PIAS1: variants seen among roughly 807,000 people sequenced by gnomAD.
PIAS1 encodes the protein E3 SUMO-protein ligase PIAS1.
A neutral mutation model predicts 71.3 loss-of-function variants in PIAS1; 6 were observed. The observed-to-expected ratio is 0.08, with a 90% CI of 0.05 to 0.17. PIAS1 has a LOEUF of 0.17. Among genes scored for constraint, PIAS1 ranks in the 10% least tolerant of loss-of-function variants. The pLI is 1.00. For missense variants in PIAS1, 555 were observed against 793.6 expected, an observed-to-expected ratio of 0.70 and a Z score of 3.61; for synonymous variants, 303 against 292.9, an observed-to-expected ratio of 1.03 and a Z score of -0.35.
chr15:68,057,853 T>G lies in PIAS1; in HGVS notation c.24+3503T>G, dbSNP rs143081609. Among the ~76,000 whole-genome samples the G allele has an allele frequency of 3.9e-3, 601 of 152,356 alleles. 1 individual carries two copies. The highest frequency in any genetic ancestry group is 6.2e-3 in the Non-Finnish European group (419 of 68,028). ...ATACTACGTATAGTTTCTAAGTATTTCATATGATTGTTTTGAAATACCTCC... is the reference window on the plus strand; with the variant it reads ...ATACTACGTATAGTTTCTAAGTATTGCATATGATTGTTTTGAAATACCTCC... On this transcript the variant is annotated intron_variant, in intron 1 of 13. Transcript: ENST00000249636.
At chr15:68,102,468 C>T (rs2092435494) in intron 2 of PIAS1, among the ~76,000 whole-genome samples, 1 of 152,156 alleles carries the variant, frequency 6.6e-6, no homozygotes, top group Middle Eastern at 3.2e-3. Flanking sequence ...ATTATCTTCT[C>T]GCTCTACAAA....
chr15:68,067,924 CAGT>C (rs2092046871), intron 1 of PIAS1, among the ~76,000 whole-genome samples: 1 of 152,138 alleles, frequency 6.6e-6, no homozygotes, highest in Admixed American at 6.5e-5. Context: ...AGGAGTGAAA[CAGT>C]AGTTTTGTAT....
intron 1 of PIAS1, chr15:68,055,027 TAGTG>T (rs927709015): frequency 6.2e-6 from 1 of 162,298 alleles, no homozygotes; most frequent in African/African-American, 2.4e-5. Flanking sequence ...GGCTGAGAGG[TAGTG>T]AGCGGGACGT....
At chr15:68,119,363 T>C (rs2092594958) in intron 2 of PIAS1, among the ~76,000 whole-genome samples, 1 of 151,188 alleles carries the variant, frequency 6.6e-6, no homozygotes, top group Non-Finnish European at 1.5e-5. Context: ...GAGAATTGCT[T>C]GAACCCGGGA....
chr15:68,102,906 C>T (rs1209672582), intron 2 of PIAS1, among the ~76,000 whole-genome samples: 1 of 151,888 alleles, frequency 6.6e-6, no homozygotes, highest in African/African-American at 2.4e-5. Context: ...ATAGTGGTGA[C>T]AGTGAACATC....
chr15:68,121,331 A>G (rs1194040856), intron 2 of PIAS1, among the ~76,000 whole-genome samples: 3 of 142,008 alleles, frequency 2.1e-5, no homozygotes, highest in African/African-American at 5.3e-5. Context: ...TGCTTGCATT[A>G]TTTTTGACAA....
At chr15:68,102,368 T>G (rs1489890619) in intron 2 of PIAS1, among the ~76,000 whole-genome samples, 1 of 152,244 alleles carries the variant, frequency 6.6e-6, no homozygotes, top group Non-Finnish European at 1.5e-5. Flanking sequence ...TGTCAGACTA[T>G]GTAATAAGTC....
rs772361559 is a variant in PIAS1, at chr15:68,153,599, A to C, written c.838A>C (p.Met280Leu). The C allele has an allele frequency of 1.6e-5, 24 of 1,510,676 alleles. No homozygotes were observed. The African/African-American group carries it at 2.8e-4, about 17-fold the overall frequency. The allele number at this position is 1,510,676 out of a possible 1,614,324, so 93.6% of individuals were successfully genotyped here. Residue 280 changes from methionine to leucine, a missense_variant, in exon 7 of 14, where the codon ATG becomes CTG. Transcript: ENST00000249636. ...TTCTTTTTTTTTCCAGAACTATTCC[A>C]TGGCAGTATATCTTGTAAAACAGTT... The part of the protein sequence containing the change: ...WTAEIGRNYS[M>L]AVYLVKQLSS...
At chr15:68,143,012 C>G (rs1228842204) in intron 4 of PIAS1, among the ~76,000 whole-genome samples, 1 of 151,986 alleles carries the variant, frequency 6.6e-6, no homozygotes, top group Admixed American at 6.6e-5. Context: ...ATTCATTTGT[C>G]TTAGAATATC....
chr15:68,141,211 A>T (rs2092767438), intron 2 of PIAS1, among the ~76,000 whole-genome samples: 1 of 152,076 alleles, frequency 6.6e-6, no homozygotes, highest in Admixed American at 6.6e-5. Flanking sequence ...AAAAAAGCAA[A>T]CAAAAAGCCT....
At position 68,119,237 on chromosome 15, in the gene PIAS1, C is replaced by CAAAAAAAAAAAAAAA; in HGVS notation, c.470-22696_470-22682dup. Among the ~76,000 whole-genome samples the CAAAAAAAAAAAAAAA allele has an allele frequency of 3.6e-4, 10 of 27,408 alleles. 3 individuals carry two copies. Among genetic ancestry groups the CAAAAAAAAAAAAAAA allele is most frequent in the Admixed American group, 3.1e-3 (4 of 1,272 alleles). 18.0% of individuals were successfully genotyped at this position (27,408 alleles called of 152,430 possible). ...CAACATGGTGAAACCCCATCTCTAC[C>CAAAAAAAAAAAAAAA]AAAAAAAAAAAAAAAAAAAAAAAAA... On this transcript the variant is annotated intron_variant, in intron 2 of 13. Coordinates refer to ENST00000249636, the MANE Select transcript of PIAS1 (RefSeq NM_016166.3).
chr15:68,109,288 C>G (rs549454138), intron 2 of PIAS1, among the ~76,000 whole-genome samples: 1 of 152,272 alleles, frequency 6.6e-6, no homozygotes, highest in South Asian at 2.1e-4. Context: ...TTTCCAATTC[C>G]CATTACACTG....
intron 1 of PIAS1, among the ~76,000 whole-genome samples, chr15:68,058,251 A>G (rs986829734): frequency 1.3e-5 from 2 of 152,242 alleles, no homozygotes; most frequent in Non-Finnish European, 2.9e-5. Flanking sequence ...TGTTTTCTGA[A>G]GTGTTTGACT....
intron 8 of PIAS1, among the ~76,000 whole-genome samples, chr15:68,166,938 G>C (rs887793894): frequency 1.3e-5 from 2 of 152,168 alleles, no homozygotes; most frequent in Admixed American, 6.5e-5. Context: ...CAGTGCTCCT[G>C]CTTCAACCCC....
chr15:68,164,681 C>G lies in PIAS1; in HGVS notation c.935-50C>G. 5 of 1,022,126 alleles carry G rather than the reference C, an allele frequency of 4.9e-6. No homozygotes were observed. In the South Asian group the frequency reaches 5.5e-5, roughly 11 times the overall value. The allele number at this position is 1,022,126 out of a possible 1,614,324, so 63.3% of individuals were successfully genotyped here. ...TTATAGTAATGCTCCAGTAATGTAT[C>G]TTTAATAAAACTCTGTTTGCTTTTT... On this transcript the variant is annotated intron_variant, in intron 7 of 13. Coordinates refer to ENST00000249636, the MANE Select transcript of PIAS1 (RefSeq NM_016166.3).
Position 68,153,648 on chromosome 15 carries a change from G to A in PIAS1, c.887G>A (p.Arg296Lys). 1 of 1,597,738 alleles carries A rather than the reference G, an allele frequency of 6.3e-7. No individual in the cohort carries two copies. Among genetic ancestry groups the A allele is most frequent in the Non-Finnish European group, 8.6e-7 (1 of 1,165,516 alleles). ...KQLSSTVLLQ[R>K]LRAKGIRNPD... ...TTGTCCTCAACAGTTCTTCTTCAGA[G>A]GTTACGAGCAAAGGGAATAAGGAAT... is the stretch of plus-strand genomic sequence containing the variant. The change falls in exon 7 of 14, where the codon AGG (arginine) becomes AAG (lysine). Residue 296 changes from arginine (R) to lysine (K), a missense_variant. By Grantham distance (26) the Arg-to-Lys change is conservative. Transcript: ENST00000249636.
intron 13 of PIAS1, chr15:68,183,967 T>C (rs1367401213): frequency 5.2e-6 from 1 of 191,184 alleles, no homozygotes; most frequent in Non-Finnish European, 1.1e-5. Flanking sequence ...ATGCATTTAC[T>C]ATATTTTTTA....
chr15:68,168,361 C>T (rs1228788935), intron 8 of PIAS1, among the ~76,000 whole-genome samples: 3 of 151,980 alleles, frequency 2.0e-5, no homozygotes, highest in Non-Finnish European at 4.4e-5. Flanking sequence ...GGAAAAAGCA[C>T]GTTTTATTGA....
rs2092981424 is a variant in PIAS1, at chr15:68,169,999, ATGAC to A, written c.1009-3729_1009-3726del. ...AACTCATACTCAGGCTGCACTATAAATGACTGAGTATGACCTGCATACCTTCCAT... is the reference window on the plus strand; with the variant it reads ...AACTCATACTCAGGCTGCACTATAAATGAGTATGACCTGCATACCTTCCAT... On this transcript the variant is annotated intron_variant, in intron 8 of 13. Transcript: ENST00000249636. Among the ~76,000 whole-genome samples the A allele has an allele frequency of 2.0e-5, 3 of 152,124 alleles. 1 individual carries two copies. The South Asian group carries it at 6.2e-4, about 32-fold the overall frequency.
Sources: allele counts gnomAD v4.1 joint callset (sites outside exome capture counted in the v4.1 genomes callset), GRCh38; gene constraint gnomAD v4.1.1; transcripts MANE v1.5; gene names NCBI Gene and HGNC (gene_info 2026-07-23, HGNC 2026-07-21).